Variants in CHST3 observed in about 807,000 individuals in gnomAD.
CHST3 encodes the protein carbohydrate sulfotransferase 3, also known as C6ST-1.
CHST3 carries 20 observed loss-of-function variants against 35.4 expected under a neutral mutation model. That is an observed-to-expected ratio of 0.57 (90% CI 0.40 to 0.82). CHST3 has a LOEUF of 0.82. Among genes scored for constraint, CHST3 ranks in the 40% least tolerant of loss-of-function variants. The pLI, the probability that CHST3 is intolerant of heterozygous loss-of-function variation, is 0.00. For synonymous variants in CHST3, 334 were observed against 295.9 expected (o/e 1.13, Z -1.32); for missense variants, 693 against 670.1 (o/e 1.03, Z -0.38).
At chr10:71,996,475 C>T (rs1839940733) in intron 1 of CHST3, among the ~76,000 whole-genome samples, 2 of 133,312 alleles carry the variant, frequency 1.5e-5, no homozygotes, top group South Asian at 2.3e-4. Flanking sequence ...TGTGTGTGTG[C>T]ATATGCATGT....
intron 1 of CHST3, among the ~76,000 whole-genome samples, chr10:71,987,484 C>T (rs552723230): frequency 1.6e-4 from 25 of 152,054 alleles, no homozygotes; most frequent in Non-Finnish European, 3.1e-4. Flanking sequence ...GAGGCTGAGG[C>T]GGGCAGATCA....
At chr10:71,984,808 T>C (rs16929534) in intron 1 of CHST3, among the ~76,000 whole-genome samples, 13,819 of 152,296 alleles carry the variant, frequency 0.091, 1,879 homozygotes, top group African/African-American at 0.29. Context: ...CTTCTGTTAC[T>C]ATTCAGCTCC....
chr10:72,007,404 A>C lies in CHST3; in HGVS notation c.373A>C (p.Arg125=), dbSNP rs533501420. The change falls in exon 3 of 3, where the codon AGA becomes CGA. Residue 125 remains arginine (R), a synonymous_variant. Transcript: ENST00000373115. ...EEQRKEEEPP[R]PAVAGPRRHV... is the part of the protein sequence containing the mutation. ...GCAGAGAAAGGAGGAGGAGCCGCCC[A>C]GACCGGCCGTGGCGGGGCCCCGGCG... 3 of 1,606,288 alleles carry C rather than the reference A, an allele frequency of 1.9e-6. No homozygotes were observed. Among genetic ancestry groups the C allele is most frequent in the South Asian group, 2.2e-5 (2 of 90,584 alleles).
chr10:71,976,057 G>A (rs1839742025), intron 1 of CHST3, among the ~76,000 whole-genome samples: 1 of 152,210 alleles, frequency 6.6e-6, no homozygotes. Flanking sequence ...ACACTGGGTA[G>A]CACAGCCCTG....
intron 1 of CHST3, among the ~76,000 whole-genome samples, chr10:71,985,843 G>T (rs1839842765): frequency 6.6e-6 from 1 of 152,088 alleles, no homozygotes; most frequent in Non-Finnish European, 1.5e-5. Flanking sequence ...AGAATCCCCT[G>T]TGGTGCCCTT....
chr10:71,966,281 G>A (rs551345341), intron 1 of CHST3, among the ~76,000 whole-genome samples: 2 of 152,288 alleles, frequency 1.3e-5, no homozygotes, highest in South Asian at 2.1e-4. Context: ...GTGTTCTGCA[G>A]CAGTGGCTTG....
Position 72,008,012 on chromosome 10 carries a change from C to G in CHST3, c.981C>G (p.Asp327Glu), listed in dbSNP as rs1026950461. 8 of 1,549,512 alleles carry G rather than the reference C, an allele frequency of 5.2e-6. No homozygotes were observed. The highest frequency in any genetic ancestry group is 6.1e-6 in the Non-Finnish European group (7 of 1,146,512). ...KYKTWKKWLD[D>E]EGQDGLREEE... ...AGACCTGGAAGAAGTGGCTGGACGA[C>G]GAGGGCCAGGACGGCCTGAGGGAAG... Residue 327 changes from aspartate (D) to glutamate (E), a missense_variant, in exon 3 of 3, where the codon GAC (aspartate) becomes GAG (glutamate). By Grantham distance (45) the Asp-to-Glu change is conservative. Transcript: ENST00000373115.
chr10:71,973,134 G>A (rs1224294328), intron 1 of CHST3, among the ~76,000 whole-genome samples: 3 of 152,212 alleles, frequency 2.0e-5, no homozygotes, highest in African/African-American at 7.2e-5. Flanking sequence ...TCTGGGGAGG[G>A]TGGCAGGAGT....
rs867366138 is a variant in CHST3 at position 72,007,974 on chromosome 10, G to A, written c.943G>A (p.Ala315Thr). Residue 315 changes from alanine to threonine, a missense_variant, in exon 3 of 3, where the codon GCC (alanine) becomes ACC (threonine). Ala to Thr is a moderately conservative substitution (Grantham distance 58). Coordinates refer to ENST00000373115, the MANE Select transcript of CHST3 (RefSeq NM_004273.5). The stretch of plus-strand genomic sequence containing the variant: ...GCTGGCCTCGCGCATGGTGGCCTTC[G>A]CCGGCAAGTATAAGACCTGGAAGAA... ...AVLASRMVAF[A>T]GKYKTWKKWL... 1.3e-6 allele frequency: 2 copies of A among 1,549,444 alleles called. No homozygotes were observed. Among genetic ancestry groups the A allele is most frequent in the Non-Finnish European group, 8.7e-7 (1 of 1,146,506 alleles).
At chr10:71,997,802 A>G (rs913388048) in intron 1 of CHST3, among the ~76,000 whole-genome samples, 1 of 150,536 alleles carries the variant, frequency 6.6e-6, no homozygotes, top group African/African-American at 2.4e-5. Flanking sequence ...TGAGTAGCTG[A>G]GATTACAGGC....
intron 1 of CHST3, among the ~76,000 whole-genome samples, chr10:71,978,783 C>T (rs534336764): frequency 9.8e-4 from 149 of 152,302 alleles, no homozygotes; most frequent in Non-Finnish European, 1.6e-3. Flanking sequence ...AGAGGGGAGG[C>T]GCCCTGCCTC....
In CHST3 at chr10:72,008,330, C is replaced by G. The variant is rs975600744; in HGVS notation, c.1299C>G (p.Pro433=). 1 of 1,575,530 alleles carries G rather than the reference C, an allele frequency of 6.3e-7. No individual in the cohort carries two copies. Among genetic ancestry groups the G allele is most frequent in the Non-Finnish European group, 8.6e-7 (1 of 1,161,204 alleles). Residue 433 remains proline (P), a synonymous_variant, in exon 3 of 3, where the codon CCC becomes CCG. Coordinates refer to ENST00000373115, the MANE Select transcript of CHST3 (RefSeq NM_004273.5). ...TCGAGAAGTGGCGCTTCAGCATGCC[C>G]TTCAAGCTGGCCCAGGTGGTGCAGG... ...EQFEKWRFSM[P]FKLAQVVQAA... is the part of the protein sequence containing the mutation.
chr10:71,992,153 C>A, intron 1 of CHST3, among the ~76,000 whole-genome samples: 1 of 151,928 alleles, frequency 6.6e-6, no homozygotes, highest in East Asian at 1.9e-4. Context: ...GTGGCTATGG[C>A]AATTTCTTTC....
chr10:71,972,822 T>A (rs55747057), intron 1 of CHST3, among the ~76,000 whole-genome samples: 1 of 152,132 alleles, frequency 6.6e-6, no homozygotes, highest in Admixed American at 6.5e-5. Flanking sequence ...CCTTTTCCCC[T>A]TGGCTTGGAT....
chr10:71,994,699 A>G (rs1404656980), intron 1 of CHST3, among the ~76,000 whole-genome samples: 2 of 152,220 alleles, frequency 1.3e-5, no homozygotes, highest in East Asian at 1.9e-4. Flanking sequence ...CTCTCTAGCT[A>G]TGGAAGTCCT....
At chr10:71,965,605 G>C (rs116756627) in intron 1 of CHST3, among the ~76,000 whole-genome samples, 1 of 152,322 alleles carries the variant, frequency 6.6e-6, no homozygotes, top group African/African-American at 2.4e-5. Flanking sequence ...AGTTGTGTTT[G>C]GTTTCTGATG....
chr10:71,978,060 C>G (rs539661731), intron 1 of CHST3, among the ~76,000 whole-genome samples: 3 of 152,330 alleles, frequency 2.0e-5, no homozygotes, highest in African/African-American at 7.2e-5. Context: ...TCTGGAGAAG[C>G]CAGTCACTTG....
chr10:71,967,405 T>G (rs943310397), intron 1 of CHST3, among the ~76,000 whole-genome samples: 7 of 152,308 alleles, frequency 4.6e-5, no homozygotes, highest in African/African-American at 1.7e-4. Flanking sequence ...AGCTCCCACT[T>G]CTAAGTGAGA....
At chr10:71,970,694 C>T (rs1252865923) in intron 1 of CHST3, among the ~76,000 whole-genome samples, 4 of 152,214 alleles carry the variant, frequency 2.6e-5, no homozygotes, top group South Asian at 4.1e-4. Context: ...AGCAGGCAGA[C>T]GGTGACGTCT....
Sources: allele counts gnomAD v4.1 joint callset (sites outside exome capture counted in the v4.1 genomes callset), GRCh38; gene constraint gnomAD v4.1.1; transcripts MANE v1.5; gene names NCBI Gene and HGNC (gene_info 2026-07-23, HGNC 2026-07-21).